NFIL3: variants seen among roughly 807,000 people sequenced by gnomAD.
NFIL3 encodes nuclear factor, interleukin 3 regulated, also known as nuclear factor interleukin-3-regulated protein.
A neutral mutation model predicts 10.0 loss-of-function variants in NFIL3; 5 were observed. The ratio of observed to expected loss-of-function variants is 0.50; its 90% CI spans 0.26 to 1.06. The LOEUF (loss-of-function observed/expected upper bound fraction) is 1.06. Ranked by LOEUF, NFIL3 falls within the 50% of genes least tolerant of loss-of-function variation. The probability of loss-of-function intolerance (pLI) is 0.13; values close to 1 mark genes in which losing one functional copy is unlikely to be tolerated. For synonymous variants in NFIL3, 202 were observed against 206.5 expected, an observed-to-expected ratio of 0.98 and a Z score of 0.19; for missense variants, 436 against 547.6, an observed-to-expected ratio of 0.80 and a Z score of 2.03.
the NFIL3 span, among the ~76,000 whole-genome samples, chr9:91,436,020 C>T: frequency 6.6e-6 from 1 of 152,198 alleles, no homozygotes; most frequent in African/African-American, 2.4e-5. Context: ...AAACTCCAGG[C>T]AACTCACAGA....
the NFIL3 span, among the ~76,000 whole-genome samples, chr9:91,447,928 A>T: frequency 1.3e-5 from 2 of 152,152 alleles, no homozygotes; most frequent in South Asian, 2.1e-4. Flanking sequence ...GGTGTTGAAG[A>T]TCATGTCTAT....
At chr9:91,444,029 T>TC in the NFIL3 span, among the ~76,000 whole-genome samples, 20,354 of 152,186 alleles carry the variant, frequency 0.13, 1,508 homozygotes, top group East Asian at 0.34. Flanking sequence ...TCTGTCCCTG[T>TC]TTTGTCTCTT....
At chr9:91,426,571 C>G (rs140295533), upstream of NFIL3, among the ~76,000 whole-genome samples, 111 of 152,208 alleles carry the variant, frequency 7.3e-4, no homozygotes, top group Non-Finnish European at 1.4e-3. Context: ...AGCAACCTCT[C>G]AGTGCTAGGG....
rs544067182 is a variant in NFIL3, at chr9:91,411,276, T to C, written c.-172-370A>G. ...GAAGGAAATGACAGATAGCCTCTGGTTGGTAAGTTTCTAAACAGTACATGC... is the reference window on the plus strand; with the variant it reads ...GAAGGAAATGACAGATAGCCTCTGGCTGGTAAGTTTCTAAACAGTACATGC... On this transcript the variant is annotated intron_variant, in intron 1 of 1. Transcript: ENST00000297689. Among the ~76,000 whole-genome samples, 65 of 152,274 alleles carry C rather than the reference T, an allele frequency of 4.3e-4. 2 individuals carry two copies. The South Asian group carries it at 0.012, about 29-fold the overall frequency.
At chr9:91,467,596 TTACA>T in the NFIL3 span, among the ~76,000 whole-genome samples, 2 of 152,192 alleles carry the variant, frequency 1.3e-5, no homozygotes, top group African/African-American at 4.8e-5. Flanking sequence ...TGCAGGTTTA[TTACA>T]TACGTATACA....
At chr9:91,471,071 TCCTTGTTAG>T in the NFIL3 span, among the ~76,000 whole-genome samples, 7 of 152,302 alleles carry the variant, frequency 4.6e-5, no homozygotes, top group East Asian at 1.3e-3. Flanking sequence ...GTCCTGGATA[TCCTTGTTAG>T]CCTTCTGTCT....
At chr9:91,459,651 C>G in the NFIL3 span, among the ~76,000 whole-genome samples, 1 of 152,162 alleles carries the variant, frequency 6.6e-6, no homozygotes, top group African/African-American at 2.4e-5. Context: ...TACCTCTGCA[C>G]TCTAGCCTGG....
At chr9:91,463,114 T>G in the NFIL3 span, among the ~76,000 whole-genome samples, 1 of 151,928 alleles carries the variant, frequency 6.6e-6, no homozygotes, top group Non-Finnish European at 1.5e-5. Flanking sequence ...TTTATCGATC[T>G]TATTGATATT....
chr9:91,483,251 C>T, the NFIL3 span, among the ~76,000 whole-genome samples: 4 of 152,196 alleles, frequency 2.6e-5, no homozygotes, highest in Non-Finnish European at 5.9e-5. Context: ...CCTGGCCAGC[C>T]TGTGACAGCT....
At position 91,418,722 on chromosome 9, in the gene NFIL3, G is replaced by C. The variant is rs527910207; in HGVS notation, c.-173+4918C>G. On this transcript the variant is annotated intron_variant, in intron 1 of 1. Coordinates refer to ENST00000297689, the MANE Select transcript of NFIL3 (RefSeq NM_005384.3). ...CTAAAAGGCTTATAAACATCATTCT[G>C]AGTCCTATGAAACTGAGTCCTCAAA... Among the ~76,000 whole-genome samples, 6 of 152,280 alleles carry C rather than the reference G, an allele frequency of 3.9e-5. No individual in the cohort carries two copies. In the South Asian group the frequency reaches 1.2e-3, roughly 32 times the overall value.
At chr9:91,479,729 G>A in the NFIL3 span, among the ~76,000 whole-genome samples, 1 of 152,228 alleles carries the variant, frequency 6.6e-6, no homozygotes, top group Admixed American at 6.5e-5. Flanking sequence ...CTAGCTTAAT[G>A]TCTGCCCAAA....
At chr9:91,469,669 G>A in the NFIL3 span, among the ~76,000 whole-genome samples, 2 of 152,144 alleles carry the variant, frequency 1.3e-5, no homozygotes, top group Non-Finnish European at 2.9e-5. Flanking sequence ...CTTTGGGTTT[G>A]TCATAAATAG....
At chr9:91,449,020 T>G in the NFIL3 span, among the ~76,000 whole-genome samples, 1 of 152,230 alleles carries the variant, frequency 6.6e-6, no homozygotes, top group Non-Finnish European at 1.5e-5. Flanking sequence ...TAATTTCCTT[T>G]TCTAGTTATT....
chr9:91,423,292 G>A (rs1431111772), intron 1 of NFIL3, among the ~76,000 whole-genome samples: 1 of 152,174 alleles, frequency 6.6e-6, no homozygotes, highest in Non-Finnish European at 1.5e-5. Flanking sequence ...CCCGCTCGGA[G>A]AGGGCTCAGC....
rs200500513 is a variant in NFIL3, at chr9:91,410,744, C to T, written c.-10G>A. On this transcript the variant is annotated 5_prime_UTR_variant, in exon 2 of 2. Coordinates refer to ENST00000297689, the MANE Select transcript of NFIL3 (RefSeq NM_005384.3). The surrounding 1 kb of genome is among the most constrained non-coding windows in gnomAD (Gnocchi z 5.7). ...TTTTTCTCAGCTGCATCAGAAACAA[C>T]CTTACCCTATCTATGTGTGTAGGAG... 2.4e-4 allele frequency: 378 copies of T among 1,573,266 alleles called. 1 individual carries two copies. The highest frequency in any genetic ancestry group is 2.2e-3 in the Middle Eastern group (13 of 5,824).
chr9:91,446,327 A>G, the NFIL3 span, among the ~76,000 whole-genome samples: 12 of 152,174 alleles, frequency 7.9e-5, no homozygotes, highest in African/African-American at 2.9e-4. Context: ...TGTGCTTCAC[A>G]GGATTTCTGT....
At chr9:91,418,989 T>C (rs1833710136) in intron 1 of NFIL3, among the ~76,000 whole-genome samples, 1 of 152,120 alleles carries the variant, frequency 6.6e-6, no homozygotes, top group African/African-American at 2.4e-5. Context: ...TCAACGTCTT[T>C]CAACATTCTC....
intron 1 of NFIL3, among the ~76,000 whole-genome samples, chr9:91,415,005 A>G (rs1833625430): frequency 1.3e-5 from 2 of 152,226 alleles, no homozygotes; most frequent in Admixed American, 1.3e-4. Context: ...GTGAATTGTA[A>G]AGAAGATATT....
chr9:91,435,185 T>A, the NFIL3 span, among the ~76,000 whole-genome samples: 1 of 152,232 alleles, frequency 6.6e-6, no homozygotes, highest in Non-Finnish European at 1.5e-5. Flanking sequence ...ATCACCCTCC[T>A]TGGATATTCA....
Sources: gnomAD v4.1 joint callset for allele counts (sites outside exome capture counted in the v4.1 genomes callset) on GRCh38, gnomAD v4.1.1 for gene constraint, Gnocchi (gnomAD v3.1) non-coding constraint, MANE v1.5 for transcripts, NCBI Gene and HGNC (gene_info 2026-07-23, HGNC 2026-07-21) for gene names.